SMG6: variants seen among roughly 807,000 people sequenced by gnomAD.
SMG6 encodes the protein SMG6 nonsense mediated mRNA decay factor.
A neutral mutation model predicts 142.2 loss-of-function variants in SMG6; 66 were observed. The ratio of observed to expected loss-of-function variants is 0.46; its 90% CI spans 0.38 to 0.57. SMG6 has a LOEUF of 0.57. Ranked by LOEUF, SMG6 falls within the 20% of genes least tolerant of loss-of-function variation. The pLI is 0.00. For synonymous variants in SMG6, 779 were observed against 702.4 expected (o/e 1.11, Z -1.72); for missense variants, 1,793 against 1,832.0 (o/e 0.98, Z 0.39).
At chr17:2,277,164 TA>T (rs753527337) in intron 8 of SMG6, among the ~76,000 whole-genome samples, 2,665 of 85,928 alleles carry the variant, frequency 0.031, 72 homozygotes, top group Non-Finnish European at 0.035. Flanking sequence ...TTTATTTATT[TA>T]TTTTTTATTT....
At position 2,165,297 on chromosome 17, in the gene SMG6, T is replaced by C. The variant is rs551634605; in HGVS notation, c.3357+7361A>G. The stretch of plus-strand genomic sequence containing the variant: ...TGAAAGAGACTGAAAAAAAAAAAAC[T>C]GAAAACTAGACATGAGCGATAGCTC... On this transcript the variant is annotated intron_variant, in intron 13 of 18. Transcript: ENST00000263073. Among the ~76,000 whole-genome samples the C allele has an allele frequency of 2.7e-4, 40 of 149,388 alleles. 1 individual carries two copies. The South Asian group carries it at 8.0e-3, about 30-fold the overall frequency.
chr17:2,277,731 A>C (rs1319667093), intron 8 of SMG6, among the ~76,000 whole-genome samples: 1 of 152,242 alleles, frequency 6.6e-6, no homozygotes, highest in African/African-American at 2.4e-5. Context: ...TATACATAGT[A>C]CTATCCTCCT....
chr17:2,117,376 T>C (rs2069540851), intron 13 of SMG6, among the ~76,000 whole-genome samples: 2 of 152,142 alleles, frequency 1.3e-5, no homozygotes, highest in Non-Finnish European at 2.9e-5. Context: ...TGTTTGCAGA[T>C]GACATGATTG....
chr17:2,082,289 C>A (rs1379170218), intron 14 of SMG6: 2 of 236,132 alleles, frequency 8.5e-6, no homozygotes, highest in Admixed American at 5.0e-5. Flanking sequence ...AAACTTTAGG[C>A]CTATTTTCAT....
At chr17:2,174,361 C>A (rs1189836200) in intron 12 of SMG6, among the ~76,000 whole-genome samples, 1 of 152,108 alleles carries the variant, frequency 6.6e-6, no homozygotes, top group Non-Finnish European at 1.5e-5. Flanking sequence ...TGGGAGATGG[C>A]AGAAAAGAAA....
intron 10 of SMG6, among the ~76,000 whole-genome samples, chr17:2,216,762 CAT>C (rs1406267138): frequency 1.3e-5 from 2 of 152,174 alleles, no homozygotes; most frequent in African/African-American, 4.8e-5. Flanking sequence ...CCCATGGAGA[CAT>C]ACTCTAGTTG....
rs960714802 is a variant in SMG6, at chr17:2,071,747, G to A, written c.3682-2816C>T. 1.3e-5 allele frequency among the ~76,000 whole-genome samples: 2 copies of A among 152,116 alleles called. No homozygotes were observed. The highest frequency in any genetic ancestry group is 4.8e-5 in the African/African-American group (2 of 41,424). On this transcript the variant is annotated intron_variant, in intron 15 of 18. Transcript: ENST00000263073. The surrounding 1 kb of genome is among the most constrained non-coding windows in gnomAD (Gnocchi z 5.6). ...TACCGGTGGGCCTCTGGGCGGGGGG[G>A]GTCACACCTGGGTCACAAGACTGGC...
At chr17:2,259,406 A>C (rs1597728540) in intron 8 of SMG6, among the ~76,000 whole-genome samples, 1 of 152,220 alleles carries the variant, frequency 6.6e-6, no homozygotes, top group Non-Finnish European at 1.5e-5. Context: ...CTGATGAATA[A>C]GGAAAGAGTC....
chr17:2,279,002 T>A (rs2074722918), intron 8 of SMG6, among the ~76,000 whole-genome samples: 1 of 152,058 alleles, frequency 6.6e-6, no homozygotes, highest in African/African-American at 2.4e-5. Context: ...GTGAACACAC[T>A]AGATATGACT....
intron 10 of SMG6, chr17:2,215,719 A>G (rs1243482671): frequency 1.3e-5 from 2 of 152,186 alleles, no homozygotes; most frequent in Non-Finnish European, 2.9e-5. Flanking sequence ...AAGTCAGCCA[A>G]GACGCAGAGA....
chr17:2,150,935 T>C (rs573881879), intron 13 of SMG6, among the ~76,000 whole-genome samples: 1 of 151,880 alleles, frequency 6.6e-6, no homozygotes, highest in African/African-American at 2.4e-5. Flanking sequence ...CTTCCACCTC[T>C]ACCTGTACAT....
intron 10 of SMG6, among the ~76,000 whole-genome samples, chr17:2,224,505 T>C (rs1361208981): frequency 6.6e-6 from 1 of 152,118 alleles, no homozygotes; most frequent in Non-Finnish European, 1.5e-5. Flanking sequence ...GATATAGCTA[T>C]GGAAAGGTTC....
chr17:2,239,417 T>C (rs1418684157), intron 9 of SMG6, among the ~76,000 whole-genome samples: 1 of 152,102 alleles, frequency 6.6e-6, no homozygotes, highest in Non-Finnish European at 1.5e-5. Flanking sequence ...TCGCCAAAAA[T>C]TGGAAGCAAT....
At chr17:2,086,213 T>C (rs1447442627) in intron 13 of SMG6, among the ~76,000 whole-genome samples, 2 of 152,128 alleles carry the variant, frequency 1.3e-5, no homozygotes, top group African/African-American at 2.4e-5. Context: ...AAACAGAATA[T>C]ATGACATATC....
chr17:2,100,009 C>G (rs909531455), intron 13 of SMG6, among the ~76,000 whole-genome samples: 1 of 151,680 alleles, frequency 6.6e-6, no homozygotes, highest in African/African-American at 2.4e-5. Context: ...ACTACAGGTG[C>G]CTGCCACCAT....
At chr17:2,256,784 T>C (rs140195185) in intron 8 of SMG6, among the ~76,000 whole-genome samples, 13 of 94,900 alleles carry the variant, frequency 1.4e-4, no homozygotes, top group African/African-American at 3.6e-4. Context: ...TTAAAAAAAA[T>C]AGATAGACAG....
At chr17:2,138,279 T>C (rs1355088746) in intron 13 of SMG6, among the ~76,000 whole-genome samples, 2 of 151,898 alleles carry the variant, frequency 1.3e-5, no homozygotes, top group African/African-American at 4.8e-5. Context: ...GTTAGGGAAA[T>C]GAGAACTGGA....
intron 13 of SMG6, among the ~76,000 whole-genome samples, chr17:2,132,534 A>T (rs1017585473): frequency 3.9e-5 from 6 of 152,280 alleles, no homozygotes; most frequent in Admixed American, 3.9e-4. Context: ...AGTGGGAGTG[A>T]AGAGAAAATA....
At chr17:2,143,017 C>G (rs2070537293) in intron 13 of SMG6, among the ~76,000 whole-genome samples, 1 of 151,250 alleles carries the variant, frequency 6.6e-6, no homozygotes, top group Non-Finnish European at 1.5e-5. Context: ...GTGAAAATCA[C>G]AACTGAGATA....
Sources: allele counts gnomAD v4.1 joint callset (sites outside exome capture counted in the v4.1 genomes callset), GRCh38; gene constraint gnomAD v4.1.1; non-coding constraint Gnocchi (gnomAD v3.1); transcripts MANE v1.5; gene names NCBI Gene and HGNC (gene_info 2026-07-23, HGNC 2026-07-21).